Variants in PXDN observed in about 807,000 individuals in gnomAD.
The protein encoded by PXDN is peroxidasin homolog.
A neutral mutation model predicts 140.3 loss-of-function variants in PXDN; 77 were observed. The ratio of observed to expected loss-of-function variants is 0.55; its 90% CI spans 0.46 to 0.66. The LOEUF (loss-of-function observed/expected upper bound fraction) is 0.66. Ranked by LOEUF, PXDN falls within the 30% of genes least tolerant of loss-of-function variation. The pLI is 0.00. For missense variants in PXDN, 1,838 were observed against 2,039.5 expected, an observed-to-expected ratio of 0.90 and a Z score of 1.90; for synonymous variants, 911 against 857.4, an observed-to-expected ratio of 1.06 and a Z score of -1.09.
chr2:1,716,738 G>A (rs902587633), intron 1 of PXDN, among the ~76,000 whole-genome samples: 31 of 152,084 alleles, frequency 2.0e-4, no homozygotes, highest in Non-Finnish European at 2.9e-4. Context: ...TACCTCTCAC[G>A]CCCTCCCAGC....
At chr2:1,723,368 G>A (rs556540300) in intron 1 of PXDN, among the ~76,000 whole-genome samples, 3 of 151,900 alleles carry the variant, frequency 2.0e-5, no homozygotes, top group South Asian at 4.2e-4. Flanking sequence ...ATGGAAAGAT[G>A]GATAAACTAA....
intron 1 of PXDN, among the ~76,000 whole-genome samples, chr2:1,736,952 C>T (rs1399616149): frequency 3.3e-5 from 5 of 152,200 alleles, no homozygotes; most frequent in East Asian, 1.9e-4. Context: ...CAGATGCTCC[C>T]GAAGGCTCCT....
chr2:1,668,841 G>T (rs570538456), intron 9 of PXDN, among the ~76,000 whole-genome samples: 1 of 152,254 alleles, frequency 6.6e-6, no homozygotes, highest in South Asian at 2.1e-4. Flanking sequence ...ACATTTTTAC[G>T]CTGTTGCTGG....
At chr2:1,736,112 C>A (rs1258391586) in intron 1 of PXDN, among the ~76,000 whole-genome samples, 1 of 152,178 alleles carries the variant, frequency 6.6e-6, no homozygotes, top group Non-Finnish European at 1.5e-5. Context: ...AGAGTTAGGG[C>A]CTTGCTCTGG....
chr2:1,674,963 C>G (rs1683663349), intron 8 of PXDN, among the ~76,000 whole-genome samples: 1 of 152,194 alleles, frequency 6.6e-6, no homozygotes, highest in South Asian at 2.1e-4. Flanking sequence ...CCCATGACCG[C>G]CCTCAGAAAC....
At chr2:1,726,338 A>G (rs1464016650) in intron 1 of PXDN, among the ~76,000 whole-genome samples, 5 of 151,070 alleles carry the variant, frequency 3.3e-5, no homozygotes, top group Non-Finnish European at 7.4e-5. Flanking sequence ...ACAAAAAACC[A>G]AACACCGCAT....
intron 1 of PXDN, among the ~76,000 whole-genome samples, chr2:1,715,389 C>T (rs370477396): frequency 9.1e-4 from 139 of 152,298 alleles, no homozygotes; most frequent in African/African-American, 3.2e-3. Context: ...AAAACAGCGA[C>T]GGAGCGGGAG....
chr2:1,712,968 AC>A (rs574887478), intron 1 of PXDN, among the ~76,000 whole-genome samples: 115 of 152,036 alleles, frequency 7.6e-4, no homozygotes, highest in African/African-American at 2.3e-3. Flanking sequence ...CGGGTGATCC[AC>A]CCGCCTTGGC....
At chr2:1,705,103 C>T (rs546844196) in intron 1 of PXDN, among the ~76,000 whole-genome samples, 33 of 105,270 alleles carry the variant, frequency 3.1e-4, no homozygotes, top group South Asian at 5.8e-4. Context: ...CTGCCCATCA[C>T]GTGAGAGCCG....
At position 1,663,666 on chromosome 2, in the gene PXDN, G is replaced by A. The variant is rs373339297; in HGVS notation, c.1506C>T (p.Cys502=). 4.6e-5 allele frequency: 75 copies of A among 1,613,910 alleles called. No individual in the cohort carries two copies. The highest frequency in any genetic ancestry group is 5.6e-5 in the Non-Finnish European group (66 of 1,179,918). ...VALHDQGQYE[C]QAVNIIGSQK... ...GGGAGCCGATGATGTTGACAGCCTGGCATTCGTACTGGCCCTGGTCGTGGA... is the reference window on the plus strand; with the variant it reads ...GGGAGCCGATGATGTTGACAGCCTGACATTCGTACTGGCCCTGGTCGTGGA... The change falls in exon 12 of 23, where the codon TGC becomes TGT. Residue 502 remains cysteine (C), a synonymous_variant. Coordinates refer to ENST00000252804, the MANE Select transcript of PXDN (RefSeq NM_012293.3).
chr2:1,655,815 A>T (rs1339277515), intron 14 of PXDN, among the ~76,000 whole-genome samples: 1 of 149,012 alleles, frequency 6.7e-6, no homozygotes, highest in African/African-American at 2.5e-5. Flanking sequence ...CACATAGGAC[A>T]TGACGCACAC....
rs186448756 is a variant in PXDN at position 1,738,651 on chromosome 2, C to T, written c.200+5605G>A. ...ACAACCTCCGCCTCCCAGGCTCAAG[C>T]GATTCTCATGCCTCAGCCTCCCGAG... On this transcript the variant is annotated intron_variant, in intron 1 of 22. Transcript: ENST00000252804. Among the ~76,000 whole-genome samples the T allele has an allele frequency of 1.6e-3, 238 of 152,044 alleles. 1 individual carries two copies. Among genetic ancestry groups the T allele is most frequent in the African/African-American group, 5.6e-3 (231 of 41,474 alleles).
Position 1,713,610 on chromosome 2 carries a change from G to A in PXDN, c.201-20476C>T, listed in dbSNP as rs896298589. On this transcript the variant is annotated intron_variant, in intron 1 of 22. Coordinates refer to ENST00000252804, the MANE Select transcript of PXDN (RefSeq NM_012293.3). ...GTCTCCCTCATAGCCCAGGGTGGCC[G>A]CATAGGGGCTGTACCTCCAAATGGA... 3.3e-5 allele frequency among the ~76,000 whole-genome samples: 5 copies of A among 152,220 alleles called. No individual in the cohort carries two copies. In the East Asian group the frequency reaches 5.8e-4, roughly 18 times the overall value.
intron 16 of PXDN, among the ~76,000 whole-genome samples, chr2:1,650,712 T>C (rs1432522513): frequency 6.6e-6 from 1 of 151,992 alleles, no homozygotes; most frequent in Non-Finnish European, 1.5e-5. Context: ...CATGCACGCT[T>C]AAATGTTTTC....
intron 1 of PXDN, among the ~76,000 whole-genome samples, chr2:1,731,152 G>GCGCACA (rs1553371240): frequency 0.012 from 1,681 of 136,028 alleles, 34 homozygotes; most frequent in African/African-American, 0.04. Flanking sequence ...GAGCGCGCGC[G>GCGCACA]CACACACACA....
At chr2:1,725,792 G>A (rs1293931055) in intron 1 of PXDN, among the ~76,000 whole-genome samples, 1 of 152,154 alleles carries the variant, frequency 6.6e-6, no homozygotes, top group Non-Finnish European at 1.5e-5. Context: ...CTTCTCAAAA[G>A]AAGACATTTA....
chr2:1,686,095 GA>G (rs201108162), intron 4 of PXDN, among the ~76,000 whole-genome samples: 6,896 of 152,278 alleles, frequency 0.045, 310 homozygotes, highest in Admixed American at 0.15. Flanking sequence ...CCGATCCGGG[GA>G]AGGGGTGCAG....
rs370599053 is a variant in PXDN, at chr2:1,665,051, G to A, written c.1315C>T (p.Pro439Ser). 3.6e-5 allele frequency: 58 copies of A among 1,609,732 alleles called. No individual in the cohort carries two copies. Among genetic ancestry groups the A allele is most frequent in the Non-Finnish European group, 4.8e-5 (57 of 1,177,680 alleles). ...CCCTCAATAACGACTCTGTCCTGAG[G>A]CGTCACAGTGAACTGAGGAAGAGCT... ...VQALPQFTVT[P>S]QDRVVIEGQT... Residue 439 changes from proline to serine, a missense_variant, in exon 11 of 23, where the codon CCT (proline) becomes TCT (serine). Physicochemically the swap from Pro to Ser is moderately conservative, Grantham distance 74. Transcript: ENST00000252804.
At position 1,680,293 on chromosome 2, in the gene PXDN, G is replaced by A. The variant is rs370951442; in HGVS notation, c.630C>T (p.Tyr210=). 40 of 1,614,020 alleles carry A rather than the reference G, an allele frequency of 2.5e-5. No individual in the cohort carries two copies. The highest frequency in any genetic ancestry group is 1.5e-4 in the African/African-American group (11 of 75,046). Residue 210 remains tyrosine, a synonymous_variant, in exon 7 of 23, where the codon TAC becomes TAT. Transcript: ENST00000252804. ...ILWLADLLKT[Y]AESGNAQAAA... is the part of the protein sequence containing the mutation. ...CTGCCTGCGCGTTCCCCGACTCCGC[G>A]TAGGTTTTCAGCAAATCCGCCAACC...
Sources: gnomAD v4.1 joint callset for allele counts (sites outside exome capture counted in the v4.1 genomes callset) on GRCh38, gnomAD v4.1.1 for gene constraint, MANE v1.5 for transcripts, NCBI Gene and HGNC (gene_info 2026-07-23, HGNC 2026-07-21) for gene names.